Variants in IRF2 observed in about 807,000 individuals in gnomAD.
The protein encoded by IRF2 is interferon regulatory factor 2.
Under a neutral mutation model 40.6 loss-of-function variants are expected in IRF2, and 15 were observed. That is an observed-to-expected ratio of 0.37 (90% CI 0.25 to 0.57). The LOEUF is 0.57. IRF2 is among the 20% of genes least tolerant of loss of function. The probability of loss-of-function intolerance (pLI) is 0.77; values close to 1 mark genes in which losing one functional copy is unlikely to be tolerated. For missense variants in IRF2, 317 were observed against 455.7 expected (o/e 0.70, Z 2.77); for synonymous variants, 151 against 165.5 (o/e 0.91, Z 0.67).
At position 184,388,663 on chromosome 4, in the gene IRF2, G is replaced by T; in HGVS notation, c.*95C>A. The T allele has an allele frequency of 7.9e-7, 1 of 1,268,576 alleles. No homozygotes were observed. 78.6% of individuals were successfully genotyped at this position (1,268,576 alleles called of 1,614,324 possible). Reference sequence around the variant, plus strand: ...TGTCAAGGCTTTTTCCCTTAGATTTGTCTAAAATAGGTGTCAGAGAGAAAA... The same window carrying T: ...TGTCAAGGCTTTTTCCCTTAGATTTTTCTAAAATAGGTGTCAGAGAGAAAA... On this transcript the variant is annotated 3_prime_UTR_variant, in exon 9 of 9. Coordinates refer to ENST00000393593, the MANE Select transcript of IRF2 (RefSeq NM_002199.4). The surrounding 1 kb of genome is among the most constrained non-coding windows in gnomAD (Gnocchi z 4.6).
chr4:184,415,056 C>G (rs1579826772), intron 5 of IRF2, among the ~76,000 whole-genome samples: 1 of 152,286 alleles, frequency 6.6e-6, no homozygotes, highest in Middle Eastern at 3.4e-3. Context: ...AGGGAGTTCA[C>G]TTTTCAAACA....
chr4:184,445,654 C>A (rs78049096), intron 1 of IRF2, among the ~76,000 whole-genome samples: 282 of 120,630 alleles, frequency 2.3e-3, no homozygotes, highest in East Asian at 2.6e-3. Flanking sequence ...GACTCCATCA[C>A]AAAAAAAAAA....
chr4:184,398,655 C>CAAA (rs755314172), intron 7 of IRF2, among the ~76,000 whole-genome samples: 1 of 146,914 alleles, frequency 6.8e-6, no homozygotes, highest in Non-Finnish European at 1.5e-5. Flanking sequence ...GACTCTGTCT[C>CAAA]AAAAAAAAAA....
In IRF2 at chr4:184,418,696, G is replaced by C. The variant is rs775910534; in HGVS notation, c.200C>G (p.Pro67Arg). ...NWAIHTGKHQPGVDKPDPKTW... is the reference protein window; with the variant it reads ...NWAIHTGKHQRGVDKPDPKTW... ...TTTGGGATCAGGTTTATCTACTCCT[G>C]GTTGATGCTTTCCTAACAAAAGAGA... Residue 67 changes from proline to arginine, a missense_variant, in exon 4 of 9, where the codon CCA becomes CGA. By Grantham distance (103) the Pro-to-Arg change is moderately radical. Coordinates refer to ENST00000393593, the MANE Select transcript of IRF2 (RefSeq NM_002199.4). The C allele has an allele frequency of 1.1e-5, 18 of 1,613,042 alleles. No individual in the cohort carries two copies. The highest frequency in any genetic ancestry group is 1.4e-5 in the Non-Finnish European group (16 of 1,179,254).
chr4:184,424,071 CA>C (rs1737581447), intron 2 of IRF2, among the ~76,000 whole-genome samples: 1 of 152,140 alleles, frequency 6.6e-6, no homozygotes, highest in Non-Finnish European at 1.5e-5. Context: ...GATACACACA[CA>C]CACACACACA....
chr4:184,429,891 C>T (rs1737812194), intron 1 of IRF2, among the ~76,000 whole-genome samples: 1 of 152,166 alleles, frequency 6.6e-6, no homozygotes, highest in African/African-American at 2.4e-5. Context: ...CGGAATAGAT[C>T]CAGAGGGGAA....
At chr4:184,418,455 G>T in intron 4 of IRF2, 77 bp downstream of exon 4, 4 of 1,328,030 alleles carry the variant, frequency 3.0e-6, no homozygotes, top group Non-Finnish European at 4.3e-6. Flanking sequence ...ACTGACTGCA[G>T]ATGTAGAAAT....
intron 1 of IRF2, among the ~76,000 whole-genome samples, chr4:184,458,666 T>A (rs568340323): frequency 6.6e-6 from 1 of 152,236 alleles, no homozygotes; most frequent in African/African-American, 2.4e-5. Flanking sequence ...TCACATATAT[T>A]ATGCATCTTC....
intron 1 of IRF2, among the ~76,000 whole-genome samples, chr4:184,458,086 C>A (rs1739009769): frequency 6.6e-6 from 1 of 152,216 alleles, no homozygotes; most frequent in South Asian, 2.1e-4. Context: ...ATGCCCTGCT[C>A]ACCCACTGGC....
chr4:184,433,972 AGATT>A (rs2097275281), intron 1 of IRF2, among the ~76,000 whole-genome samples: 1 of 152,066 alleles, frequency 6.6e-6, no homozygotes, highest in Admixed American at 6.6e-5. Context: ...CACTATAAAC[AGATT>A]AATTATGTTT....
chr4:184,441,968 G>A (rs1277117960), intron 1 of IRF2, among the ~76,000 whole-genome samples: 1 of 152,140 alleles, frequency 6.6e-6, no homozygotes, highest in Non-Finnish European at 1.5e-5. Context: ...GCCAAACTGG[G>A]GTTCACATCA....
chr4:184,407,343 A>C (rs1055882187), intron 6 of IRF2: 1 of 932,886 alleles, frequency 1.1e-6, no homozygotes, highest in African/African-American at 1.7e-5. Flanking sequence ...AAGGGAAAGC[A>C]GGCTGAGGTC....
chr4:184,440,048 C>A (rs1235562355), intron 1 of IRF2, among the ~76,000 whole-genome samples: 1 of 152,210 alleles, frequency 6.6e-6, no homozygotes, highest in Non-Finnish European at 1.5e-5. Context: ...TCTCAAAGGG[C>A]AGTTCCCTAG....
chr4:184,440,957 G>A (rs1262835294), intron 1 of IRF2, among the ~76,000 whole-genome samples: 1 of 152,212 alleles, frequency 6.6e-6, no homozygotes, highest in African/African-American at 2.4e-5. Flanking sequence ...TGCGAGGCTG[G>A]AGCTCAGGAG....
chr4:184,468,858 C>T (rs563639824), intron 1 of IRF2, among the ~76,000 whole-genome samples: 2 of 152,210 alleles, frequency 1.3e-5, no homozygotes, highest in African/African-American at 2.4e-5. Flanking sequence ...AAGTCCCCTC[C>T]CCAGGTGATT....
In IRF2 at chr4:184,388,469, T is replaced by G. The variant is rs1258872636; in HGVS notation, c.*289A>C. On this transcript the variant is annotated 3_prime_UTR_variant, in exon 9 of 9. Coordinates refer to ENST00000393593, the MANE Select transcript of IRF2 (RefSeq NM_002199.4). This position sits in a 1 kb window ranked among gnomAD's most constrained non-coding sequence, Gnocchi z 4.6. Reference sequence around the variant, plus strand: ...GGCATCCACTCCACCTTGCTGGCCTTGACCGCAGGCAATGCAGCACCTCCA... The same window carrying G: ...GGCATCCACTCCACCTTGCTGGCCTGGACCGCAGGCAATGCAGCACCTCCA... 2.4e-6 allele frequency: 1 copy of G among 415,440 alleles called. No individual in the cohort carries two copies. Among genetic ancestry groups the G allele is most frequent in the Non-Finnish European group, 4.3e-6 (1 of 233,266 alleles). 25.7% of individuals were successfully genotyped at this position (415,440 alleles called of 1,614,324 possible).
At chr4:184,396,095 T>C (rs1736445199) in intron 7 of IRF2, among the ~76,000 whole-genome samples, 1 of 152,230 alleles carries the variant, frequency 6.6e-6, no homozygotes, top group Non-Finnish European at 1.5e-5. Context: ...CAGCAGGCTA[T>C]AGAAGAAAGT....
intron 7 of IRF2, among the ~76,000 whole-genome samples, chr4:184,392,242 T>C (rs1736284811): frequency 6.6e-6 from 1 of 152,124 alleles, no homozygotes; most frequent in Non-Finnish European, 1.5e-5. Flanking sequence ...GCCTAAAGAG[T>C]AACTGCAATA....
intron 1 of IRF2, among the ~76,000 whole-genome samples, chr4:184,438,874 T>G (rs754999713): frequency 1.3e-5 from 2 of 152,118 alleles, no homozygotes; most frequent in Non-Finnish European, 2.9e-5. Flanking sequence ...CCTGAGACCT[T>G]CCTATGCGGC....
Sources: gnomAD v4.1 joint callset for allele counts (sites outside exome capture counted in the v4.1 genomes callset) on GRCh38, gnomAD v4.1.1 for gene constraint, Gnocchi (gnomAD v3.1) non-coding constraint, MANE v1.5 for transcripts, NCBI Gene and HGNC (gene_info 2026-07-23, HGNC 2026-07-21) for gene names.